Variants in DENND1A observed in about 807,000 individuals in gnomAD.
The protein encoded by DENND1A is DENN domain containing 1A, also known as DENN domain-containing protein 1A.
DENND1A carries 51 observed loss-of-function variants against 113.7 expected under a neutral mutation model. The ratio of observed to expected loss-of-function variants is 0.45; its 90% confidence interval spans 0.36 to 0.57. The LOEUF is 0.57. DENND1A is among the 20% of genes least tolerant of loss of function. DENND1A has a pLI of 0.00. For synonymous variants in DENND1A, 565 were observed against 570.8 expected (o/e 0.99, Z 0.14); for missense variants, 1,258 against 1,395.9 (o/e 0.90, Z 1.57).
intron 21 of DENND1A, among the ~76,000 whole-genome samples, chr9:123,393,069 C>A (rs951269325): frequency 6.6e-6 from 1 of 152,202 alleles, no homozygotes; most frequent in Non-Finnish European, 1.5e-5. Context: ...GATTGATGGG[C>A]CTTTGGGCTG....
intron 13 of DENND1A, among the ~76,000 whole-genome samples, chr9:123,516,284 G>A (rs1450880899): frequency 1.3e-5 from 2 of 151,906 alleles, no homozygotes; most frequent in African/African-American, 2.4e-5. Context: ...TTTGGGCTGG[G>A]GTGGGGAATC....
intron 3 of DENND1A, among the ~76,000 whole-genome samples, chr9:123,778,802 A>G (rs918954560): frequency 6.6e-6 from 1 of 152,190 alleles, no homozygotes; most frequent in African/African-American, 2.4e-5. Flanking sequence ...CATAACCCAA[A>G]CAAACTCACC....
At chr9:123,566,633 A>G (rs2136235341) in intron 12 of DENND1A, among the ~76,000 whole-genome samples, 1 of 152,318 alleles carries the variant, frequency 6.6e-6, no homozygotes, top group East Asian at 1.9e-4. Flanking sequence ...ACATCCTTGG[A>G]GTAAAAAAGT....
rs756555370 is a variant in DENND1A, at chr9:123,440,325, A to C, written c.1488+35T>G. On this transcript the variant is annotated intron_variant, in intron 19 of 23. Transcript: ENST00000394215. Reference sequence around the variant, plus strand: ...TGCTAAAAACAAAAATAAAAAAAAAACAAAACAGACAGGTAGGAGGGCCAG... The same window carrying C: ...TGCTAAAAACAAAAATAAAAAAAAACCAAAACAGACAGGTAGGAGGGCCAG... 18 of 1,570,034 alleles carry C rather than the reference A, an allele frequency of 1.1e-5. No homozygotes were observed. The East Asian group carries it at 1.4e-4, about 12-fold the overall frequency.
intron 22 of DENND1A, 124 bp downstream of exon 22, chr9:123,387,606 G>T: frequency 8.9e-7 from 1 of 1,126,988 alleles, no homozygotes; most frequent in Non-Finnish European, 1.2e-6. Context: ...GGCACCGGCA[G>T]GCAGCAGCTC....
rs113676350 is a variant in DENND1A at position 123,588,773 on chromosome 9, G to GTT, written c.766-5505_766-5504dup. 4.8e-3 allele frequency among the ~76,000 whole-genome samples: 695 copies of GTT among 144,744 alleles called. 10 individuals carry two copies. The highest frequency in any genetic ancestry group is 0.013 in the African/African-American group (502 of 39,338). 95.0% of individuals were successfully genotyped at this position (144,744 alleles called of 152,430 possible). A position where few individuals can be genotyped will look rare whatever the true frequency, so the allele number is the denominator to read the frequency against. On this transcript the variant is annotated intron_variant, in intron 11 of 23. Coordinates refer to ENST00000394215, the MANE Select transcript of DENND1A (RefSeq NM_001352964.2). Reference sequence around the variant, plus strand: ...AGCAAAGTTGAAATAATTCTATTTTGTTTTTTTTTTTTGAGATGGGAGTCT... The same window carrying GTT: ...AGCAAAGTTGAAATAATTCTATTTTGTTTTTTTTTTTTTTGAGATGGGAGTCT...
chr9:123,840,404 C>G (rs1345361455), intron 2 of DENND1A, among the ~76,000 whole-genome samples: 1 of 151,474 alleles, frequency 6.6e-6, no homozygotes, highest in Non-Finnish European at 1.5e-5. Context: ...AAAAAAGCAC[C>G]AAAGTTTAAA....
At chr9:123,590,190 C>T (rs1167778867) in intron 11 of DENND1A, among the ~76,000 whole-genome samples, 1 of 152,166 alleles carries the variant, frequency 6.6e-6, no homozygotes, top group African/African-American at 2.4e-5. Context: ...ACCTGTGCTC[C>T]CCTAAGGTTT....
intron 11 of DENND1A, among the ~76,000 whole-genome samples, chr9:123,596,074 C>T (rs756123031): frequency 2.0e-5 from 3 of 152,268 alleles, no homozygotes; most frequent in Non-Finnish European, 2.9e-5. Flanking sequence ...CACAAACATG[C>T]GATGATATGG....
intron 12 of DENND1A, among the ~76,000 whole-genome samples, chr9:123,562,107 C>A (rs1040611968): frequency 6.6e-6 from 1 of 152,130 alleles, no homozygotes; most frequent in African/African-American, 2.4e-5. Context: ...TCACTTTGAT[C>A]CTCCATCAAA....
At chr9:123,807,941 C>A (rs960588686) in intron 2 of DENND1A, among the ~76,000 whole-genome samples, 1 of 152,132 alleles carries the variant, frequency 6.6e-6, no homozygotes, top group African/African-American at 2.4e-5. Flanking sequence ...AACCTATATT[C>A]TTGGCCGGGC....
chr9:123,541,983 A>G (rs1439000606), intron 13 of DENND1A, among the ~76,000 whole-genome samples: 1 of 152,210 alleles, frequency 6.6e-6, no homozygotes, highest in Non-Finnish European at 1.5e-5. Context: ...TGCCTCTCCA[A>G]CACTCAAATA....
intron 13 of DENND1A, among the ~76,000 whole-genome samples, chr9:123,495,643 G>A (rs1316398458): frequency 2.0e-5 from 3 of 152,166 alleles, no homozygotes; most frequent in Admixed American, 2.0e-4. Context: ...TCCTTTAGAA[G>A]GACCGTAGGT....
chr9:123,459,560 C>T (rs1045672923), intron 13 of DENND1A, among the ~76,000 whole-genome samples: 4 of 152,138 alleles, frequency 2.6e-5, no homozygotes, highest in Admixed American at 6.5e-5. Flanking sequence ...AAATCCTATC[C>T]GTATAGAGCT....
At chr9:123,846,793 C>CA (rs1842681783) in intron 2 of DENND1A, among the ~76,000 whole-genome samples, 1 of 152,084 alleles carries the variant, frequency 6.6e-6, no homozygotes, top group South Asian at 2.1e-4. Context: ...GGCTGCACAA[C>CA]AGTGTTAAAC....
Position 123,464,212 on chromosome 9 carries a change from G to A in DENND1A, c.994-6315C>T, listed in dbSNP as rs146546369. Among the ~76,000 whole-genome samples, 26 of 152,170 alleles carry A rather than the reference G, an allele frequency of 1.7e-4. No individual in the cohort carries two copies. In the East Asian group the frequency reaches 4.6e-3, roughly 27 times the overall value. On this transcript the variant is annotated intron_variant, in intron 13 of 23. Transcript: ENST00000394215. Reference sequence around the variant, plus strand: ...ATGCAAACACGAATAAAATAGAGTTGGTACAAACAGTAATAACTAAATGAG... The same window carrying A: ...ATGCAAACACGAATAAAATAGAGTTAGTACAAACAGTAATAACTAAATGAG...
Position 123,843,573 on chromosome 9 carries a change from G to T in DENND1A, c.88+35378C>A, listed in dbSNP as rs558152633. The T allele has an allele frequency of 7.7e-5, 16 of 209,038 alleles. 1 individual carries two copies. Among genetic ancestry groups the T allele is most frequent in the Non-Finnish European group, 1.1e-4 (11 of 101,160 alleles). 12.9% of individuals were successfully genotyped at this position (209,038 alleles called of 1,614,324 possible). The stretch of plus-strand genomic sequence containing the variant: ...ACTGAGTGGAGAAAGACTATGGCAG[G>T]TATGGCCCATCTCCTATATGCTTGG... On this transcript the variant is annotated intron_variant, in intron 2 of 23. Coordinates refer to ENST00000394215, the MANE Select transcript of DENND1A (RefSeq NM_001352964.2).
intron 19 of DENND1A, among the ~76,000 whole-genome samples, chr9:123,426,161 G>A (rs1013835985): frequency 4.6e-5 from 7 of 152,300 alleles, no homozygotes; most frequent in Middle Eastern, 3.4e-3. Context: ...GGGTCCTGGA[G>A]GCTGGGTACG....
intron 1 of DENND1A, among the ~76,000 whole-genome samples, chr9:123,921,396 G>T (rs1166081142): frequency 6.6e-6 from 1 of 152,120 alleles, no homozygotes; most frequent in African/African-American, 2.4e-5. Context: ...GTACTCCAAT[G>T]CTCACATACC....
Sources: gnomAD v4.1 joint callset for allele counts (sites outside exome capture counted in the v4.1 genomes callset) on GRCh38, gnomAD v4.1.1 for gene constraint, MANE v1.5 for transcripts, NCBI Gene and HGNC (gene_info 2026-07-23, HGNC 2026-07-21) for gene names.